Variants in EXOC6 observed in about 807,000 individuals in gnomAD.
The protein encoded by EXOC6 is SEC15-like 1.
Under a neutral mutation model 112.5 loss-of-function variants are expected in EXOC6, and 60 were observed. That is an observed-to-expected ratio of 0.53 (90% CI 0.43 to 0.66). The LOEUF (loss-of-function observed/expected upper bound fraction) is 0.66. EXOC6 is among the 30% of genes least tolerant of loss of function. The probability of loss-of-function intolerance (pLI) is 0.00; values close to 1 mark genes in which losing one functional copy is unlikely to be tolerated. For missense variants in EXOC6, 855 were observed against 957.1 expected (o/e 0.89, Z 1.41); for synonymous variants, 295 against 308.0 (o/e 0.96, Z 0.44).
At chr10:92,836,642 A>G (rs1846667194) in intron 1 of EXOC6, among the ~76,000 whole-genome samples, 1 of 152,214 alleles carries the variant, frequency 6.6e-6, no homozygotes, top group African/African-American at 2.4e-5. Context: ...TATCTGGGAC[A>G]GTATTCAACA....
chr10:92,918,692 G>A (rs189984566), intron 7 of EXOC6, among the ~76,000 whole-genome samples: 37 of 152,234 alleles, frequency 2.4e-4, no homozygotes, highest in Admixed American at 6.5e-4. Context: ...CTAAAGTGCT[G>A]GGATTGTAGG....
chr10:93,023,671 T>G (rs1351426159), intron 20 of EXOC6, among the ~76,000 whole-genome samples: 1 of 152,236 alleles, frequency 6.6e-6, no homozygotes, highest in Admixed American at 6.5e-5. Context: ...CTTGATATAC[T>G]TATTTGTGTC....
At chr10:92,938,675 G>A (rs1852489747) in intron 12 of EXOC6, among the ~76,000 whole-genome samples, 1 of 152,112 alleles carries the variant, frequency 6.6e-6, no homozygotes, top group African/African-American at 2.4e-5. Flanking sequence ...CCCAATACAT[G>A]TTGGCAGACT....
intron 9 of EXOC6, among the ~76,000 whole-genome samples, chr10:92,930,504 A>AAATAAT (rs10638557): frequency 0.042 from 6,297 of 149,186 alleles, 265 homozygotes; most frequent in East Asian, 0.14. Flanking sequence ...ACTCTGTCTC[A>AAATAAT]AATAATAATA....
intron 13 of EXOC6, among the ~76,000 whole-genome samples, chr10:92,942,005 A>G (rs984483092): frequency 6.6e-6 from 1 of 152,206 alleles, no homozygotes; most frequent in Non-Finnish European, 1.5e-5. Context: ...TGATGATATT[A>G]AAATAAAAGT....
chr10:92,936,631 A>G (rs1852358135), intron 12 of EXOC6, among the ~76,000 whole-genome samples: 1 of 152,194 alleles, frequency 6.6e-6, no homozygotes, highest in Non-Finnish European at 1.5e-5. Flanking sequence ...AAAAAATAAG[A>G]TTTTTCTTTT....
At chr10:92,868,994 T>C (rs1348836137) in intron 1 of EXOC6, among the ~76,000 whole-genome samples, 1 of 152,072 alleles carries the variant, frequency 6.6e-6, no homozygotes, top group Non-Finnish European at 1.5e-5. Context: ...CTCTGGCTTT[T>C]GTGCTGAGGG....
intron 9 of EXOC6, among the ~76,000 whole-genome samples, chr10:92,931,573 C>T (rs963800667): frequency 6.6e-6 from 1 of 150,854 alleles, no homozygotes; most frequent in Non-Finnish European, 1.5e-5. Context: ...AATGTCTATT[C>T]AAATCTTTTG....
chr10:92,999,892 C>T (rs1268838644), intron 19 of EXOC6, among the ~76,000 whole-genome samples: 3 of 151,750 alleles, frequency 2.0e-5, no homozygotes, highest in South Asian at 2.1e-4. Flanking sequence ...TTAATAGAGA[C>T]GGGGTTTCAA....
chr10:92,976,838 A>AT (rs995581648), intron 18 of EXOC6, among the ~76,000 whole-genome samples: 1 of 152,172 alleles, frequency 6.6e-6, no homozygotes, highest in African/African-American at 2.4e-5. Flanking sequence ...TTGATGAAAC[A>AT]TTAAAAAAAA....
intron 17 of EXOC6, among the ~76,000 whole-genome samples, chr10:92,971,031 G>A (rs138846204): frequency 1.6e-4 from 24 of 152,266 alleles, no homozygotes; most frequent in Admixed American, 9.8e-4. Context: ...GCTCAAATCT[G>A]CTGTTGAACT....
At chr10:93,033,516 A>G (rs1175560054) in intron 20 of EXOC6, among the ~76,000 whole-genome samples, 1 of 152,202 alleles carries the variant, frequency 6.6e-6, no homozygotes, top group African/African-American at 2.4e-5. Context: ...TATTTTGTGT[A>G]CTAACCTCCT....
At chr10:92,884,873 AC>A (rs1046947695) in intron 1 of EXOC6, among the ~76,000 whole-genome samples, 1 of 152,108 alleles carries the variant, frequency 6.6e-6, no homozygotes, top group African/African-American at 2.4e-5. Context: ...CAGAAAGGGA[AC>A]TTTTCCTTAA....
At chr10:92,989,813 A>G (rs1429449920) in intron 18 of EXOC6, among the ~76,000 whole-genome samples, 1 of 152,222 alleles carries the variant, frequency 6.6e-6, no homozygotes, top group Non-Finnish European at 1.5e-5. Flanking sequence ...AGGGACAGAT[A>G]ATGGGATCAG....
rs1217489608 is a variant in EXOC6 at position 92,901,623 on chromosome 10, T to A, written c.458+1979T>A. Reference sequence around the variant, plus strand: ...GTTCCAAGCTCTCATTGTGCCTTTTTTTTTTTTTTTTGCCTCAGATCTGGA... The same window carrying A: ...GTTCCAAGCTCTCATTGTGCCTTTTATTTTTTTTTTTGCCTCAGATCTGGA... On this transcript the variant is annotated intron_variant, in intron 5 of 21. Transcript: ENST00000260762. The A allele has an allele frequency of 2.7e-5, 4 of 150,302 alleles. No individual in the cohort carries two copies. In the South Asian group the frequency reaches 8.3e-4, roughly 31 times the overall value. 9.3% of individuals were successfully genotyped at this position (150,302 alleles called of 1,614,324 possible).
intron 1 of EXOC6, among the ~76,000 whole-genome samples, chr10:92,882,740 C>G (rs1281936453): frequency 6.6e-6 from 1 of 152,098 alleles, no homozygotes; most frequent in African/African-American, 2.4e-5. Flanking sequence ...TTAAGTATAT[C>G]TGGAGGCTAC....
chr10:93,003,046 C>T (rs879294167), intron 19 of EXOC6, among the ~76,000 whole-genome samples: 5 of 152,104 alleles, frequency 3.3e-5, no homozygotes, highest in Non-Finnish European at 7.4e-5. Flanking sequence ...CTGGGCAACT[C>T]AGAAAAGATG....
chr10:92,938,575 A>G (rs569450123), intron 12 of EXOC6, among the ~76,000 whole-genome samples: 12 of 152,170 alleles, frequency 7.9e-5, no homozygotes, highest in African/African-American at 2.7e-4. Flanking sequence ...AAAGTGAAAA[A>G]GTAATACCAG....
intron 19 of EXOC6, among the ~76,000 whole-genome samples, chr10:92,998,598 CT>C (rs1843600228): frequency 6.8e-6 from 1 of 147,576 alleles, no homozygotes. Flanking sequence ...TAGATAGGCT[CT>C]TTGGACAAGA....
Sources: gnomAD v4.1 joint callset for allele counts (sites outside exome capture counted in the v4.1 genomes callset) on GRCh38, gnomAD v4.1.1 for gene constraint, MANE v1.5 for transcripts, NCBI Gene and HGNC (gene_info 2026-07-23, HGNC 2026-07-21) for gene names.